The following CNTLN variants were observed in gnomAD, a reference collection of about 807,000 sequenced individuals.
CNTLN encodes the protein centlein.
A neutral mutation model predicts 180.0 loss-of-function variants in CNTLN; 212 were observed. The ratio of observed to expected loss-of-function variants is 1.18; its 90% CI spans 1.05 to 1.32. CNTLN has a LOEUF of 1.32. CNTLN is among the 40% of genes most tolerant of loss of function. CNTLN has a pLI of 0.00. For missense variants in CNTLN, 2,095 were observed against 1,610.9 expected, an observed-to-expected ratio of 1.30 and a Z score of -5.14; for synonymous variants, 722 against 563.1, an observed-to-expected ratio of 1.28 and a Z score of -3.99.
chr9:17,487,295 A>C (rs1379708252), intron 25 of CNTLN: 1 of 478,454 alleles, frequency 2.1e-6, no homozygotes, highest in African/African-American at 2.0e-5. Flanking sequence ...TAGCAAATGC[A>C]TTAATTAAAT....
chr9:17,331,900 G>T (rs561242275), intron 9 of CNTLN, among the ~76,000 whole-genome samples: 1 of 152,058 alleles, frequency 6.6e-6, no homozygotes, highest in South Asian at 2.1e-4. Context: ...GTATGACTTT[G>T]ACTTTTTTCT....
At chr9:17,260,885 C>G (rs529872383) in intron 5 of CNTLN, among the ~76,000 whole-genome samples, 1 of 151,238 alleles carries the variant, frequency 6.6e-6, no homozygotes, top group South Asian at 2.1e-4. Context: ...TTCAATCTTC[C>G]GCATTTGGCT....
At chr9:17,436,028 C>G (rs1416491971) in intron 18 of CNTLN, among the ~76,000 whole-genome samples, 2 of 152,074 alleles carry the variant, frequency 1.3e-5, no homozygotes, top group African/African-American at 4.8e-5. Flanking sequence ...TTTCCTTATT[C>G]TTATCCAAGT....
intron 6 of CNTLN, among the ~76,000 whole-genome samples, chr9:17,290,601 C>T (rs1031947441): frequency 1.4e-5 from 2 of 141,316 alleles, no homozygotes; most frequent in African/African-American, 2.6e-5. Context: ...GGCGCCCCTC[C>T]CCCAGCCTGG....
At chr9:17,269,722 A>G (rs544949564) in intron 5 of CNTLN, among the ~76,000 whole-genome samples, 42 of 152,092 alleles carry the variant, frequency 2.8e-4, no homozygotes, top group Non-Finnish European at 3.1e-4. Flanking sequence ...AGATGAATGT[A>G]TATTCTGTTG....
chr9:17,303,571 A>T (rs1414577743), intron 7 of CNTLN, among the ~76,000 whole-genome samples: 2 of 152,002 alleles, frequency 1.3e-5, no homozygotes, highest in Non-Finnish European at 2.9e-5. Flanking sequence ...CTCCTCAAAA[A>T]TGTAGTAGTT....
At chr9:17,421,265 G>C (rs1828704244) in intron 18 of CNTLN, among the ~76,000 whole-genome samples, 7 of 152,024 alleles carry the variant, frequency 4.6e-5, no homozygotes, top group Admixed American at 4.6e-4. Flanking sequence ...TGGATATATA[G>C]GTATTTATAA....
intron 10 of CNTLN, among the ~76,000 whole-genome samples, chr9:17,337,874 T>G (rs532921048): frequency 6.6e-6 from 1 of 152,278 alleles, no homozygotes; most frequent in East Asian, 1.9e-4. Flanking sequence ...GAGGTTCTAT[T>G]TACTCAGTTT....
intron 2 of CNTLN, among the ~76,000 whole-genome samples, chr9:17,188,938 GGTTTGATACTTGA>G (rs1415608073): frequency 2.0e-4 from 30 of 151,216 alleles, no homozygotes; most frequent in Non-Finnish European, 4.3e-4. Context: ...AATAATTTTT[GGTTTGATACTTGA>G]CATTATGAAT....
At chr9:17,215,463 C>G (rs1321987981) in intron 2 of CNTLN, among the ~76,000 whole-genome samples, 1 of 145,992 alleles carries the variant, frequency 6.8e-6, no homozygotes, top group East Asian at 1.9e-4. Flanking sequence ...TCTGCCCCTA[C>G]TAGGGGGTGC....
rs760137455 is a variant in CNTLN at position 17,486,999 on chromosome 9, A to G, written c.4052A>G (p.Lys1351Arg). ...ATTTTTTTTCTTCAGGAAATTGAAA[A>G]AACAAAAATTGATGCTGAAAATGAC... is the stretch of plus-strand genomic sequence containing the variant. Reference protein sequence around the residue: ...LDTEDQVEIEKTKIDAENDKE... With the variant: ...LDTEDQVEIERTKIDAENDKE... Residue 1351 changes from lysine (K) to arginine (R), a missense_variant, in exon 25 of 26, where the codon AAA (lysine) becomes AGA (arginine). Physicochemically the swap from Lys to Arg is conservative, Grantham distance 26. Coordinates refer to ENST00000380647, the MANE Select transcript of CNTLN (RefSeq NM_017738.4). 3.8e-6 allele frequency: 6 copies of G among 1,576,708 alleles called. No individual in the cohort carries two copies. The highest frequency in any genetic ancestry group is 2.1e-5 in the Admixed American group (1 of 48,318).
chr9:17,406,690 C>G (rs137931281), intron 15 of CNTLN, among the ~76,000 whole-genome samples: 3,805 of 151,768 alleles, frequency 0.025, 86 homozygotes, highest in Non-Finnish European at 0.037. Context: ...CGTGGATAGA[C>G]TAAATTTATT....
At chr9:17,398,926 C>T (rs570642771) in intron 15 of CNTLN, among the ~76,000 whole-genome samples, 2 of 152,206 alleles carry the variant, frequency 1.3e-5, no homozygotes, top group Non-Finnish European at 2.9e-5. Flanking sequence ...CTTCTTCCCT[C>T]TCTGCCAAAA....
At chr9:17,195,152 G>A (rs897468785) in intron 2 of CNTLN, among the ~76,000 whole-genome samples, 1 of 152,106 alleles carries the variant, frequency 6.6e-6, no homozygotes, top group African/African-American at 2.4e-5. Flanking sequence ...AAAGTAATAT[G>A]TTACTTTGTG....
In CNTLN at chr9:17,288,755, T is replaced by A. The variant is rs1227811714; in HGVS notation, c.984-9435T>A. On this transcript the variant is annotated intron_variant, in intron 6 of 25. Transcript: ENST00000380647. Reference sequence around the variant, plus strand: ...CTTGTTGAATTGATCCCTTTACCATTATGTAATGGCCTTCTTTGTCTCTTT... The same window carrying A: ...CTTGTTGAATTGATCCCTTTACCATAATGTAATGGCCTTCTTTGTCTCTTT... 8.7e-5 allele frequency among the ~76,000 whole-genome samples: 12 copies of A among 137,896 alleles called. 1 individual carries two copies. The East Asian group carries it at 2.5e-3, about 29-fold the overall frequency. 90.5% of individuals were successfully genotyped at this position (137,896 alleles called of 152,430 possible).
chr9:17,491,119 C>A (rs186112674), intron 25 of CNTLN, among the ~76,000 whole-genome samples: 2 of 152,116 alleles, frequency 1.3e-5, no homozygotes, highest in Admixed American at 1.3e-4. Context: ...TAATAAAGGT[C>A]ATTTTTAGGC....
At chr9:17,338,169 C>CT (rs564887958) in intron 10 of CNTLN, among the ~76,000 whole-genome samples, 102 of 138,410 alleles carry the variant, frequency 7.4e-4, no homozygotes, top group East Asian at 1.6e-3. Flanking sequence ...CTTTTTCTTT[C>CT]TTTTTTTTTT....
chr9:17,135,127 G>A lies in CNTLN; in HGVS notation c.62G>A (p.Arg21Lys). The A allele has an allele frequency of 1.9e-6, 3 of 1,607,282 alleles. No homozygotes were observed. Among genetic ancestry groups the A allele is most frequent in the South Asian group, 1.1e-5 (1 of 89,592 alleles). ...PSPPARQLGP[R>K]SPRVGRGAEV... The stretch of plus-strand genomic sequence containing the variant: ...CCCCCAGCGCGACAGCTGGGCCCCA[G>A]GTCCCCACGTGTTGGGCGGGGAGCT... The change falls in exon 1 of 26, where the codon AGG becomes AAG. Residue 21 changes from arginine (R) to lysine (K), a missense_variant. Arg to Lys is a conservative substitution (Grantham distance 26). Coordinates refer to ENST00000380647, the MANE Select transcript of CNTLN (RefSeq NM_017738.4).
chr9:17,324,172 C>T (rs1820109306), intron 8 of CNTLN, among the ~76,000 whole-genome samples: 1 of 152,224 alleles, frequency 6.6e-6, no homozygotes, highest in Non-Finnish European at 1.5e-5. Context: ...GTTTATAAAA[C>T]TTAGAGTATG....
Sources: allele counts gnomAD v4.1 joint callset (sites outside exome capture counted in the v4.1 genomes callset), GRCh38; gene constraint gnomAD v4.1.1; transcripts MANE v1.5; gene names NCBI Gene and HGNC (gene_info 2026-07-23, HGNC 2026-07-21).